CIMAP3: variants seen among roughly 807,000 people sequenced by gnomAD.
The protein encoded by CIMAP3 is ciliary microtubule associated protein 3.
chr1:111,352,280 G>A, the CIMAP3 span: 2 of 152,592 alleles, frequency 1.3e-5, no homozygotes, highest in African/African-American at 2.4e-5. Context: ...GGGTCCTTTT[G>A]TACCCACTTA....
the CIMAP3 span, among the ~76,000 whole-genome samples, chr1:111,326,316 T>C: frequency 6.6e-6 from 1 of 152,132 alleles, no homozygotes; most frequent in Non-Finnish European, 1.5e-5. Context: ...ACTCACTCTT[T>C]CCAGCCTCTA....
chr1:111,333,184 C>T, the CIMAP3 span, among the ~76,000 whole-genome samples: 1 of 152,196 alleles, frequency 6.6e-6, no homozygotes, highest in Admixed American at 6.5e-5. Context: ...ATGGAAATTT[C>T]AGGCTATTCC....
chr1:111,347,522 A>G, the CIMAP3 span: 1 of 581,848 alleles, frequency 1.7e-6, no homozygotes, highest in Non-Finnish European at 3.1e-6. Context: ...TCAAGACAAT[A>G]AAGAATAATC....
At chr1:111,330,548 CT>C in the CIMAP3 span, among the ~76,000 whole-genome samples, 1,205 of 152,298 alleles carry the variant, frequency 7.9e-3, 17 homozygotes, top group African/African-American at 0.027. Context: ...GGTTATGCAG[CT>C]TCCTATGTTT....
At chr1:111,352,980 T>A in the CIMAP3 span, 1 of 152,250 alleles carries the variant, frequency 6.6e-6, no homozygotes, top group African/African-American at 2.4e-5. Context: ...TGCTACATTG[T>A]ATATAAAAGT....
the CIMAP3 span, among the ~76,000 whole-genome samples, chr1:111,331,199 G>A: frequency 6.6e-6 from 1 of 152,008 alleles, no homozygotes; most frequent in Admixed American, 6.6e-5. Context: ...CTGTTTGGGT[G>A]GAATCAATTT....
the CIMAP3 span, among the ~76,000 whole-genome samples, chr1:111,331,687 G>A: frequency 6.6e-6 from 1 of 151,198 alleles, no homozygotes; most frequent in East Asian, 1.9e-4. Flanking sequence ...TTTGGGGGGG[G>A]CATTCCATAT....
chr1:111,328,754 A>G, the CIMAP3 span, among the ~76,000 whole-genome samples: 13 of 152,202 alleles, frequency 8.5e-5, no homozygotes, highest in Non-Finnish European at 1.9e-4. Flanking sequence ...TACTTGTGAG[A>G]TAAGTCTCTT....
the CIMAP3 span, among the ~76,000 whole-genome samples, chr1:111,336,627 G>T: frequency 0.045 from 6,925 of 152,230 alleles, 325 homozygotes; most frequent in African/African-American, 0.11. Flanking sequence ...ATGAAATGAA[G>T]TGAGAAGGGA....
At chr1:111,351,687 T>C in the CIMAP3 span, 1 of 173,732 alleles carries the variant, frequency 5.8e-6, no homozygotes, top group African/African-American at 2.4e-5. Context: ...TGTTAGCCTA[T>C]ACATGTCAAG....
chr1:111,352,095 T>C, the CIMAP3 span: 1 of 149,648 alleles, frequency 6.7e-6, no homozygotes, highest in African/African-American at 2.4e-5. Flanking sequence ...TCTGGGGTTA[T>C]AAAGATCATA....
At chr1:111,351,321 T>C in the CIMAP3 span, 6 of 1,577,172 alleles carry the variant, frequency 3.8e-6, no homozygotes, top group Non-Finnish European at 4.3e-6. Flanking sequence ...GCCTGTATTA[T>C]AATTGAGCGG....
At chr1:111,335,295 A>G in the CIMAP3 span, among the ~76,000 whole-genome samples, 12 of 152,144 alleles carry the variant, frequency 7.9e-5, no homozygotes, top group Non-Finnish European at 1.8e-4. Flanking sequence ...TGATTTCTGC[A>G]TTTCCATCTG....
the CIMAP3 span, among the ~76,000 whole-genome samples, chr1:111,340,293 T>A: frequency 6.6e-6 from 1 of 151,196 alleles, no homozygotes; most frequent in Non-Finnish European, 1.5e-5. Flanking sequence ...GACATAGGCA[T>A]GGGCAAGGAC....
the CIMAP3 span, chr1:111,347,618 C>CTTTTTTTTTTTTTTTTTTTTTTTT: frequency 2.2e-6 from 2 of 929,726 alleles, no homozygotes; most frequent in Non-Finnish European, 3.2e-6. Context: ...GTTGTTTTTT[C>CTTTTTTTTTTTTTTTTTTTTTTTT]TTTCTTTTTT....
the CIMAP3 span, among the ~76,000 whole-genome samples, chr1:111,336,987 A>C: frequency 6.6e-6 from 1 of 152,108 alleles, no homozygotes; most frequent in East Asian, 1.9e-4. Context: ...CATCAGACTA[A>C]CAGCAGATCT....
At chr1:111,337,848 A>G in the CIMAP3 span, among the ~76,000 whole-genome samples, 1 of 151,992 alleles carries the variant, frequency 6.6e-6, no homozygotes, top group African/African-American at 2.4e-5. Flanking sequence ...AAGCTGACCT[A>G]ATAGACATCT....
chr1:111,348,055 G>A, the CIMAP3 span, among the ~76,000 whole-genome samples: 3 of 152,146 alleles, frequency 2.0e-5, no homozygotes, highest in Non-Finnish European at 2.9e-5. Context: ...AACATTCGAA[G>A]CTTGTGTTTA....
the CIMAP3 span, among the ~76,000 whole-genome samples, chr1:111,332,571 A>C: frequency 7.9e-3 from 1,200 of 152,104 alleles, 14 homozygotes; most frequent in African/African-American, 0.027. Context: ...GCCTAGGAGT[A>C]TCTTTGCTTG....
Sources: gnomAD v4.1 joint callset for allele counts (sites outside exome capture counted in the v4.1 genomes callset) on GRCh38, gnomAD v4.1.1 for gene constraint, MANE v1.5 for transcripts, NCBI Gene and HGNC (gene_info 2026-07-23, HGNC 2026-07-21) for gene names.